Variants in PKD2L2 observed in about 807,000 individuals in gnomAD.
PKD2L2 encodes polycystin 2 like 2, transient receptor potential cation channel, also known as polycystin-2-like protein 2.
Under a neutral mutation model 83.9 loss-of-function variants are expected in PKD2L2, and 67 were observed. The observed-to-expected ratio is 0.80, with a 90% CI of 0.66 to 0.98. PKD2L2 has a LOEUF of 0.98. Among genes scored for constraint, PKD2L2 ranks in the 50% least tolerant of loss-of-function variants. The probability of loss-of-function intolerance (pLI) is 0.00; values close to 1 mark genes in which losing one functional copy is unlikely to be tolerated. For synonymous variants in PKD2L2, 223 were observed against 237.8 expected, an observed-to-expected ratio of 0.94 and a Z score of 0.57; for missense variants, 632 against 717.2, an observed-to-expected ratio of 0.88 and a Z score of 1.36.
At chr5:137,893,068 C>CA (rs201289110) in intron 3 of PKD2L2, among the ~76,000 whole-genome samples, 2,237 of 150,620 alleles carry the variant, frequency 0.015, 49 homozygotes, top group African/African-American at 0.052. Context: ...GGCTCCATCT[C>CA]AAAAAAAAAA....
chr5:137,889,520 G>A lies in PKD2L2; in HGVS notation c.29G>A (p.Gly10Asp), dbSNP rs538079978. 8.6e-5 allele frequency: 134 copies of A among 1,553,758 alleles called. No individual in the cohort carries two copies. The South Asian group carries it at 1.5e-3, about 17-fold the overall frequency. Residue 10 changes from glycine (G) to aspartate (D), a missense_variant and splice_region_variant, in exon 1 of 15, where the codon GGC (glycine) becomes GAC (aspartate). Gly to Asp is a moderately conservative substitution (Grantham distance 94). Around this residue, in one of 3 missense-constraint regions of PKD2L2, gnomAD observed 229 missense variants for 281.5 expected, o/e 0.81. Coordinates refer to ENST00000508883, the MANE Select transcript of PKD2L2 (RefSeq NM_001300921.2). The stretch of plus-strand genomic sequence containing the variant: ...GCTGAGGCGTCACGGTGGCACCGAG[G>A]CGGTGAGGGGTCCTCTTAAGGAGTG... MAEASRWHRGGASKHKLHYR... is the reference protein window; with the variant it reads MAEASRWHRDGASKHKLHYR...
At chr5:137,937,580 T>C (rs1327517672) in intron 14 of PKD2L2, among the ~76,000 whole-genome samples, 3 of 152,232 alleles carry the variant, frequency 2.0e-5, no homozygotes, top group Admixed American at 2.0e-4. Flanking sequence ...AACTTCCACA[T>C]TGATGCTCAA....
chr5:137,899,829 T>G, intron 5 of PKD2L2, 92 bp downstream of exon 5: 2 of 647,670 alleles, frequency 3.1e-6, no homozygotes, highest in South Asian at 4.0e-5. Context: ...CACATGAGTT[T>G]GAACTGCACA....
At chr5:137,916,216 C>T (rs1758327524) in intron 8 of PKD2L2, among the ~76,000 whole-genome samples, 1 of 151,922 alleles carries the variant, frequency 6.6e-6, no homozygotes, top group African/African-American at 2.4e-5. Context: ...CACTCTGTCA[C>T]CCAGGCTGGA....
At chr5:137,933,657 T>A (rs985105460) in intron 12 of PKD2L2, among the ~76,000 whole-genome samples, 1 of 152,204 alleles carries the variant, frequency 6.6e-6, no homozygotes, top group South Asian at 2.1e-4. Flanking sequence ...ATAACCTTAA[T>A]TAGTTCAGAA....
At chr5:137,925,386 T>G (rs531463071) in intron 11 of PKD2L2, among the ~76,000 whole-genome samples, 18 of 152,258 alleles carry the variant, frequency 1.2e-4, no homozygotes, top group Non-Finnish European at 1.8e-4. Context: ...CACCCAGGAG[T>G]GCCTCCTAAT....
rs1403690479 is a variant in PKD2L2 at position 137,935,892 on chromosome 5, T to G, written c.1767T>G (p.Thr589=). 1 of 1,577,362 alleles carries G rather than the reference T, an allele frequency of 6.3e-7. No individual in the cohort carries two copies. The highest frequency in any genetic ancestry group is 1.7e-5 in the Admixed American group (1 of 59,762). The change falls in exon 13 of 15, where the codon ACT becomes ACG. Residue 589 remains threonine, a synonymous_variant. Transcript: ENST00000508883. Reference sequence around the variant, plus strand: ...TTCAAGATGACTACCAGCCTGTCACTCAAGAAGAATTTCGAGAGTAAGCTT... The same window carrying G: ...TTCAAGATGACTACCAGCCTGTCACGCAAGAAGAATTTCGAGAGTAAGCTT... ...MEIQDDYQPV[T]QEEFRELFLY... is the part of the protein sequence containing the mutation.
intron 11 of PKD2L2, 82 bp downstream of exon 11, chr5:137,925,186 TTTTG>T (rs1238010079): frequency 5.6e-5 from 50 of 893,840 alleles, no homozygotes; most frequent in Admixed American, 1.1e-4. Context: ...TTTTTTTGTT[TTTTG>T]TTTGTTTGTT....
chr5:137,931,271 A>G (rs1167240583), intron 12 of PKD2L2, among the ~76,000 whole-genome samples: 2 of 152,338 alleles, frequency 1.3e-5, no homozygotes, highest in East Asian at 1.9e-4. Flanking sequence ...GATTTTAAGG[A>G]GCAAACAGTT....
intron 1 of PKD2L2, chr5:137,889,917 G>C (rs1294807148): frequency 4.4e-6 from 1 of 229,284 alleles, no homozygotes; most frequent in Non-Finnish European, 8.4e-6. Flanking sequence ...AAACGGTTAG[G>C]ACAGATGAGA....
intron 14 of PKD2L2, chr5:137,940,422 G>T: frequency 2.1e-6 from 2 of 942,904 alleles, no homozygotes; most frequent in South Asian, 1.7e-5. Context: ...GTCTTAATAT[G>T]AGACATACTG....
chr5:137,939,201 G>T (rs1760968304), intron 14 of PKD2L2: 1 of 152,348 alleles, frequency 6.6e-6, no homozygotes, highest in African/African-American at 2.4e-5. Context: ...TTTTGGTATG[G>T]ATTTTGCTGA....
intron 8 of PKD2L2, among the ~76,000 whole-genome samples, chr5:137,914,195 T>C (rs1302964964): frequency 1.3e-5 from 2 of 151,974 alleles, no homozygotes; most frequent in Non-Finnish European, 2.9e-5. Flanking sequence ...AGCCTGAAAT[T>C]GCTTTCTTGA....
chr5:137,923,636 C>T (rs1490713748), intron 10 of PKD2L2, 115 bp downstream of exon 10: 3 of 672,548 alleles, frequency 4.5e-6, no homozygotes, highest in Non-Finnish European at 8.2e-6. Flanking sequence ...ACTCCCACCC[C>T]ATCCCATCCC....
At chr5:137,922,753 A>G (rs1759028424) in intron 9 of PKD2L2, among the ~76,000 whole-genome samples, 1 of 152,034 alleles carries the variant, frequency 6.6e-6, no homozygotes. Context: ...CAAACAAAAA[A>G]ATGCCCTTAT....
At chr5:137,890,892 G>A (rs986917301) in intron 2 of PKD2L2, among the ~76,000 whole-genome samples, 1 of 152,116 alleles carries the variant, frequency 6.6e-6, no homozygotes, top group Non-Finnish European at 1.5e-5. Context: ...CCCTTGGGTT[G>A]GCAACTGCAA....
At chr5:137,900,129 G>T (rs958227011) in intron 5 of PKD2L2, among the ~76,000 whole-genome samples, 4 of 152,168 alleles carry the variant, frequency 2.6e-5, no homozygotes, top group African/African-American at 7.2e-5. Flanking sequence ...GTAAACAAAA[G>T]ATGTAGTACT....
intron 4 of PKD2L2, among the ~76,000 whole-genome samples, chr5:137,895,948 G>A (rs578110000): frequency 4.8e-5 from 7 of 146,402 alleles, no homozygotes; most frequent in South Asian, 2.2e-4. Context: ...AGGCCGAGGC[G>A]GGCGGATCAC....
chr5:137,911,943 T>A (rs1015783769), intron 8 of PKD2L2, among the ~76,000 whole-genome samples: 2 of 152,232 alleles, frequency 1.3e-5, no homozygotes, highest in Non-Finnish European at 2.9e-5. Flanking sequence ...TCACTTAATA[T>A]GATGGTCCTC....
Sources: gnomAD v4.1 joint callset for allele counts (sites outside exome capture counted in the v4.1 genomes callset) on GRCh38, gnomAD v4.1.1 for gene constraint, gnomAD v4.1.1 regional missense constraint, MANE v1.5 for transcripts, NCBI Gene and HGNC (gene_info 2026-07-23, HGNC 2026-07-21) for gene names.